DGKH: variants seen among roughly 807,000 people sequenced by gnomAD.
The protein encoded by DGKH is diacylglycerol kinase eta.
DGKH carries 90 observed loss-of-function variants against 159.3 expected under a neutral mutation model. That is an observed-to-expected ratio of 0.57 (90% CI 0.48 to 0.67). DGKH has a LOEUF of 0.67. Ranked by LOEUF, DGKH falls within the 30% of genes least tolerant of loss-of-function variation. The pLI, the probability that DGKH is intolerant of heterozygous loss-of-function variation, is 0.00. For missense variants in DGKH, 1,181 were observed against 1,506.1 expected, an observed-to-expected ratio of 0.78 and a Z score of 3.57; for synonymous variants, 536 against 553.8, an observed-to-expected ratio of 0.97 and a Z score of 0.45.
intron 3 of DGKH, among the ~76,000 whole-genome samples, chr13:42,134,154 T>C (rs1955350470): frequency 6.6e-6 from 1 of 152,190 alleles, no homozygotes; most frequent in Non-Finnish European, 1.5e-5. Flanking sequence ...CTGAACTCTC[T>C]GGTAAAATGG....
Position 42,142,471 on chromosome 13 carries a change from A to G in DGKH, c.385-12820A>G, listed in dbSNP as rs1242111830. 3.3e-5 allele frequency among the ~76,000 whole-genome samples: 5 copies of G among 151,454 alleles called. No homozygotes were observed. The East Asian group carries it at 7.7e-4, about 23-fold the overall frequency. ...GCTTGATGGGGATGGCATTGAATCT[A>G]TAAATTACCTTGGGCAGTATGGCCA... On this transcript the variant is annotated intron_variant, in intron 3 of 29. Coordinates refer to ENST00000337343, the MANE Select transcript of DGKH (RefSeq NM_178009.5).
chr13:42,102,580 A>G (rs1309438142), intron 1 of DGKH, among the ~76,000 whole-genome samples: 3 of 152,350 alleles, frequency 2.0e-5, no homozygotes, highest in Non-Finnish European at 4.4e-5. Context: ...AAGAAGTCCC[A>G]TTTGAGGAGC....
chr13:42,216,992 A>G (rs1957815484), intron 26 of DGKH, among the ~76,000 whole-genome samples: 1 of 152,210 alleles, frequency 6.6e-6, no homozygotes, highest in South Asian at 2.1e-4. Flanking sequence ...TATTATGTTA[A>G]TATGGATGGA....
At chr13:42,218,957 A>G (rs1406567334) in intron 26 of DGKH, among the ~76,000 whole-genome samples, 3 of 152,350 alleles carry the variant, frequency 2.0e-5, no homozygotes, top group Admixed American at 1.3e-4. Flanking sequence ...ACAGAAAAAA[A>G]CACCAAAATA....
chr13:42,057,640 A>G (rs1183325579), intron 1 of DGKH, among the ~76,000 whole-genome samples: 1 of 152,200 alleles, frequency 6.6e-6, no homozygotes, highest in Non-Finnish European at 1.5e-5. Flanking sequence ...CATGCATTCA[A>G]AGAAATATCT....
chr13:42,175,618 A>G (rs1168770669), intron 12 of DGKH, among the ~76,000 whole-genome samples: 2 of 152,214 alleles, frequency 1.3e-5, no homozygotes, highest in South Asian at 2.1e-4. Context: ...ACTAAATATG[A>G]GGTACAATTC....
intron 1 of DGKH, among the ~76,000 whole-genome samples, chr13:42,103,905 T>G (rs1014030525): frequency 2.0e-5 from 3 of 152,176 alleles, no homozygotes; most frequent in African/African-American, 7.2e-5. Context: ...GAATGACTAC[T>G]ATAACTAATC....
intron 29 of DGKH, among the ~76,000 whole-genome samples, chr13:42,250,216 G>A (rs953704233): frequency 6.6e-5 from 10 of 150,586 alleles, no homozygotes; most frequent in South Asian, 4.2e-4. Context: ...TGATCCACCC[G>A]CCTCGGCCTC....
At chr13:42,248,730 T>G (rs1958599976) in intron 29 of DGKH, among the ~76,000 whole-genome samples, 1 of 151,374 alleles carries the variant, frequency 6.6e-6, no homozygotes, top group South Asian at 2.1e-4. Context: ...TTAGATATGT[T>G]TAGATACACA....
intron 1 of DGKH, among the ~76,000 whole-genome samples, chr13:42,057,124 TCTA>T (rs1215396752): frequency 6.6e-6 from 1 of 152,106 alleles, no homozygotes; most frequent in African/African-American, 2.4e-5. Flanking sequence ...AAAAAATGCT[TCTA>T]GGTACCTAAC....
At chr13:42,251,386 G>A (rs1224633611) in intron 29 of DGKH, among the ~76,000 whole-genome samples, 1 of 151,908 alleles carries the variant, frequency 6.6e-6, no homozygotes, top group Admixed American at 6.6e-5. Flanking sequence ...TGAGGTGGGA[G>A]GATCAATTGA....
chr13:42,215,778 C>A, intron 26 of DGKH, 111 bp downstream of exon 26: 1 of 941,764 alleles, frequency 1.1e-6, no homozygotes, highest in Non-Finnish European at 1.6e-6. Flanking sequence ...AGCCTTCTGG[C>A]TTCCATCCTG....
chr13:42,217,390 C>G (rs1490073820), intron 26 of DGKH, among the ~76,000 whole-genome samples: 1 of 152,036 alleles, frequency 6.6e-6, no homozygotes, highest in African/African-American at 2.4e-5. Context: ...CAATCGCGCA[C>G]CACCATGCCT....
chr13:42,214,658 G>A (rs1309240698), intron 25 of DGKH, 46 bp downstream of exon 25: 3 of 1,584,032 alleles, frequency 1.9e-6, no homozygotes, highest in South Asian at 2.3e-5. Flanking sequence ...TCTTTTGGGT[G>A]TTACACATGT....
At chr13:42,180,474 T>G (rs1327408429) in intron 13 of DGKH, among the ~76,000 whole-genome samples, 5 of 152,242 alleles carry the variant, frequency 3.3e-5, no homozygotes, top group African/African-American at 1.2e-4. Flanking sequence ...GCTAGGATAA[T>G]TAAGCTGAGT....
intron 1 of DGKH, among the ~76,000 whole-genome samples, chr13:42,087,387 A>G (rs1292436537): frequency 6.6e-6 from 1 of 152,216 alleles, no homozygotes; most frequent in Admixed American, 6.5e-5. Context: ...ATAATGTTGA[A>G]TATTCATTAG....
rs1298578991 is a variant in DGKH, at chr13:42,127,567, C to T, written c.297C>T (p.Asp99=). ...GCCGCACCCTTTACTATGCAAAGGA[C>T]TCAAAGGTAACTCACGAGAATACTA... ...LRGRTLYYAK[D]SKSLIFDEVD... is the part of the protein sequence containing the mutation. The change falls in exon 2 of 30, where the codon GAC becomes GAT. Residue 99 remains aspartate (D), a synonymous_variant. Coordinates refer to ENST00000337343, the MANE Select transcript of DGKH (RefSeq NM_178009.5). The T allele has an allele frequency of 1.9e-6, 3 of 1,612,792 alleles. No individual in the cohort carries two copies. The African/African-American group carries it at 4.0e-5, about 22-fold the overall frequency.
intron 3 of DGKH, among the ~76,000 whole-genome samples, chr13:42,148,237 A>T (rs1429016942): frequency 1.3e-5 from 2 of 152,186 alleles, no homozygotes; most frequent in Non-Finnish European, 2.9e-5. Context: ...TCTTTGAATT[A>T]TGTGGATGAA....
At chr13:42,143,931 C>T (rs1264002379) in intron 3 of DGKH, among the ~76,000 whole-genome samples, 1 of 152,058 alleles carries the variant, frequency 6.6e-6, no homozygotes, top group Non-Finnish European at 1.5e-5. Flanking sequence ...TTATTTCTAA[C>T]ATCACAATTA....
Sources: gnomAD v4.1 joint callset for allele counts (sites outside exome capture counted in the v4.1 genomes callset) on GRCh38, gnomAD v4.1.1 for gene constraint, MANE v1.5 for transcripts, NCBI Gene and HGNC (gene_info 2026-07-23, HGNC 2026-07-21) for gene names.